Variants in PCDHGA8 observed in about 807,000 individuals in gnomAD.
PCDHGA8 encodes the protein protocadherin gamma-A8.
A neutral mutation model predicts 59.2 loss-of-function variants in PCDHGA8; 45 were observed. The observed-to-expected ratio is 0.76, with a 90% confidence interval of 0.60 to 0.98. The LOEUF is 0.98. PCDHGA8 is among the 50% of genes least tolerant of loss of function. PCDHGA8 has a pLI of 0.00. For synonymous variants in PCDHGA8, 531 were observed against 519.0 expected, an observed-to-expected ratio of 1.02 and a Z score of -0.32; for missense variants, 1,257 against 1,196.2, an observed-to-expected ratio of 1.05 and a Z score of -0.75.
rs1265422100 is a variant in PCDHGA8 at position 141,490,199 on chromosome 5, C to A, written c.2425-4608C>A. On this transcript the variant is annotated intron_variant, in intron 1 of 3. Transcript: ENST00000398604. This position sits in a 1 kb window ranked among gnomAD's most constrained non-coding sequence, Gnocchi z 5.4. The stretch of plus-strand genomic sequence containing the variant: ...GAGTCACGTTTCTATGAAATTCATG[C>A]AAGAGCCCGTGACCAGGGACAGCCT... The A allele has an allele frequency of 1.9e-6, 3 of 1,614,184 alleles. No homozygotes were observed. The highest frequency in any genetic ancestry group is 2.5e-6 in the Non-Finnish European group (3 of 1,180,024).
At chr5:141,430,837 C>G (rs1350348914) in intron 1 of PCDHGA8, 1 of 1,560,074 alleles carries the variant, frequency 6.4e-7, no homozygotes, top group Non-Finnish European at 8.6e-7. Context: ...TGTGGGAGAC[C>G]GGATGCACCC....
chr5:141,410,505 A>T (rs2095401601), intron 1 of PCDHGA8: 1 of 1,613,848 alleles, frequency 6.2e-7, no homozygotes, highest in Non-Finnish European at 8.5e-7. Flanking sequence ...AATTTCCTAA[A>T]ATGCAGTGTG....
Position 141,431,529 on chromosome 5 carries a change from T to G in PCDHGA8, c.2424+36292T>G, listed in dbSNP as rs145601545. The G allele has an allele frequency of 2.5e-6, 4 of 1,614,074 alleles. No homozygotes were observed. The highest frequency in any genetic ancestry group is 3.4e-6 in the Non-Finnish European group (4 of 1,180,030). ...GCGAGCGTTCCGGAGAATCTGGCCT[T>G]GGGCACGCAGCTGCTTGTAGTCAAC... On this transcript the variant is annotated intron_variant, in intron 1 of 3. Coordinates refer to ENST00000398604, the MANE Select transcript of PCDHGA8 (RefSeq NM_032088.2). The surrounding 1 kb of genome is among the most constrained non-coding windows in gnomAD (Gnocchi z 4.8).
rs58019021 is a variant in PCDHGA8, at chr5:141,500,184, T to TTTTATTTATTTA, written c.2484-5178_2484-5167dup. Among the ~76,000 whole-genome samples, 232 of 135,962 alleles carry TTTTATTTATTTA rather than the reference T, an allele frequency of 1.7e-3. 1 individual carries two copies. The highest frequency in any genetic ancestry group is 6.4e-3 in the South Asian group (27 of 4,202). The allele number at this position is 135,962 out of a possible 152,430, so 89.2% of individuals were successfully genotyped here. A position where few individuals can be genotyped will look rare whatever the true frequency, so the allele number is the denominator to read the frequency against. The stretch of plus-strand genomic sequence containing the variant: ...GAACATGCATGAGCTTCATTTTTAT[T>TTTTATTTATTTA]TTTATTTATTTATTTATTTATTTAT... On this transcript the variant is annotated intron_variant, in intron 2 of 3. Transcript: ENST00000398604.
chr5:141,425,217 T>G (rs565640413), intron 1 of PCDHGA8, among the ~76,000 whole-genome samples: 51 of 152,294 alleles, frequency 3.3e-4, no homozygotes, highest in Middle Eastern at 3.4e-3. Flanking sequence ...GCATTGTACT[T>G]TGACTGGAAT....
rs1327490895 is a variant in PCDHGA8, at chr5:141,487,672, G to A, written c.2425-7135G>A. The stretch of plus-strand genomic sequence containing the variant: ...AGGGTTATTCTGATCCAGGCATATG[G>A]CTAGGCCATGTCCTAGAGAGTACTG... On this transcript the variant is annotated intron_variant, in intron 1 of 3. Coordinates refer to ENST00000398604, the MANE Select transcript of PCDHGA8 (RefSeq NM_032088.2). This position sits in a 1 kb window ranked among gnomAD's most constrained non-coding sequence, Gnocchi z 5.0. 6.2e-7 allele frequency: 1 copy of A among 1,611,484 alleles called. No individual in the cohort carries two copies. Among genetic ancestry groups the A allele is most frequent in the Non-Finnish European group, 8.5e-7 (1 of 1,178,612 alleles).
In PCDHGA8 at chr5:141,454,796, A is replaced by ATTTTTTTTTTTTTTTTTTT. The variant is rs61612330; in HGVS notation, c.2425-40000_2425-39982dup. Among the ~76,000 whole-genome samples the ATTTTTTTTTTTTTTTTTTT allele has an allele frequency of 2.8e-4, 22 of 77,458 alleles. 2 individuals are homozygous for ATTTTTTTTTTTTTTTTTTT. Among genetic ancestry groups the ATTTTTTTTTTTTTTTTTTT allele is most frequent in the East Asian group, 4.0e-4 (1 of 2,512 alleles). The allele number at this position is 77,458 out of a possible 152,430, so 50.8% of individuals were successfully genotyped here. The stretch of plus-strand genomic sequence containing the variant: ...AAGGAAATAATCCTCCATGGTTCTA[A>ATTTTTTTTTTTTTTTTTTT]TTTTTTTTTTTTTTTTTTTTTTTTT... On this transcript the variant is annotated intron_variant, in intron 1 of 3. Coordinates refer to ENST00000398604, the MANE Select transcript of PCDHGA8 (RefSeq NM_032088.2).
At chr5:141,435,644 T>A (rs913195454) in intron 1 of PCDHGA8, among the ~76,000 whole-genome samples, 1 of 152,170 alleles carries the variant, frequency 6.6e-6, no homozygotes, top group Non-Finnish European at 1.5e-5. Flanking sequence ...TGGGAAAATT[T>A]CTGAAACGTG....
At chr5:141,501,510 T>G (rs11744379) in intron 2 of PCDHGA8, among the ~76,000 whole-genome samples, 29,206 of 151,772 alleles carry the variant, frequency 0.19, 2,837 homozygotes, top group Middle Eastern at 0.24. Context: ...CTCCAAGGCC[T>G]CCAAGCTGAA....
Position 141,470,128 on chromosome 5 carries a change from CA to C in PCDHGA8, c.2425-24670del, listed in dbSNP as rs200356364. Among the ~76,000 whole-genome samples, 62 of 150,148 alleles carry C rather than the reference CA, an allele frequency of 4.1e-4. 1 individual carries two copies. Among genetic ancestry groups the C allele is most frequent in the Middle Eastern group, 3.4e-3 (1 of 294 alleles). On this transcript the variant is annotated intron_variant, in intron 1 of 3. Coordinates refer to ENST00000398604, the MANE Select transcript of PCDHGA8 (RefSeq NM_032088.2). ...TGAGCAACAGAGCAAGACTTCGTCTCAAAAAAAAAGATCATAGATCATCTTA... is the reference window on the plus strand; with the variant it reads ...TGAGCAACAGAGCAAGACTTCGTCTCAAAAAAAAGATCATAGATCATCTTA...
intron 1 of PCDHGA8, among the ~76,000 whole-genome samples, chr5:141,449,061 A>G (rs1280366583): frequency 1.3e-5 from 2 of 152,190 alleles, no homozygotes; most frequent in Non-Finnish European, 2.9e-5. Context: ...AATGAGCGCT[A>G]TTGAATAGCC....
At chr5:141,467,537 A>G (rs2154569542) in intron 1 of PCDHGA8, among the ~76,000 whole-genome samples, 1 of 152,192 alleles carries the variant, frequency 6.6e-6, no homozygotes, top group Non-Finnish European at 1.5e-5. Context: ...TGAGATATGG[A>G]TCTGATTATA....
In PCDHGA8 at chr5:141,485,062, C is replaced by T. The variant is rs2099606141; in HGVS notation, c.2425-9745C>T. 2.3e-6 allele frequency: 2 copies of T among 876,222 alleles called. No individual in the cohort carries two copies. Among genetic ancestry groups the T allele is most frequent in the Non-Finnish European group, 3.6e-6 (2 of 552,684 alleles). 54.3% of individuals were successfully genotyped at this position (876,222 alleles called of 1,614,324 possible). ...CCTTGCGGCGCCGGCCGAACCGCGCCAGAGCTGGCGCGGGGAAAGGGAGAT... is the reference window on the plus strand; with the variant it reads ...CCTTGCGGCGCCGGCCGAACCGCGCTAGAGCTGGCGCGGGGAAAGGGAGAT... On this transcript the variant is annotated intron_variant, in intron 1 of 3. Coordinates refer to ENST00000398604, the MANE Select transcript of PCDHGA8 (RefSeq NM_032088.2). The surrounding 1 kb of genome is among the most constrained non-coding windows in gnomAD (Gnocchi z 5.7).
At chr5:141,409,200 T>A in intron 1 of PCDHGA8, 1 of 1,614,020 alleles carries the variant, frequency 6.2e-7, no homozygotes, top group Non-Finnish European at 8.5e-7. Flanking sequence ...CAGTGTAAAG[T>A]AATCATAGAA....
chr5:141,422,310 T>A, intron 1 of PCDHGA8: 1 of 1,546,532 alleles, frequency 6.5e-7, no homozygotes, highest in Non-Finnish European at 8.7e-7. Flanking sequence ...TGGAAAACTC[T>A]CCTCCAGGTA....
chr5:141,482,288 C>G (rs1413786764), intron 1 of PCDHGA8, among the ~76,000 whole-genome samples: 1 of 152,078 alleles, frequency 6.6e-6, no homozygotes, highest in Non-Finnish European at 1.5e-5. Context: ...GTCTTTTAAT[C>G]TCTTTAAACT....
chr5:141,503,304 A>G (rs946582779), intron 2 of PCDHGA8, among the ~76,000 whole-genome samples: 1 of 152,150 alleles, frequency 6.6e-6, no homozygotes, highest in African/African-American at 2.4e-5. Flanking sequence ...ATTGCTCAAG[A>G]AAGAATTGTT....
intron 3 of PCDHGA8, among the ~76,000 whole-genome samples, chr5:141,505,956 T>C (rs1177913983): frequency 6.6e-6 from 1 of 152,102 alleles, no homozygotes; most frequent in Non-Finnish European, 1.5e-5. Flanking sequence ...TGAAAGTGGG[T>C]GTAGAAATCC....
At chr5:141,420,713 G>T (rs1406572601) in intron 1 of PCDHGA8, among the ~76,000 whole-genome samples, 1 of 152,078 alleles carries the variant, frequency 6.6e-6, no homozygotes, top group African/African-American at 2.4e-5. Flanking sequence ...CAGAAATGTC[G>T]TTCCTTTCAG....
Sources: allele counts gnomAD v4.1 joint callset (sites outside exome capture counted in the v4.1 genomes callset), GRCh38; gene constraint gnomAD v4.1.1; non-coding constraint Gnocchi (gnomAD v3.1); transcripts MANE v1.5; gene names NCBI Gene and HGNC (gene_info 2026-07-23, HGNC 2026-07-21).